Variants in MASP2 observed in about 807,000 individuals in gnomAD.
The protein encoded by MASP2 is mannan-binding lectin serine protease 2.
MASP2 carries 49 observed loss-of-function variants against 57.1 expected under a neutral mutation model. The observed-to-expected ratio is 0.86, with a 90% CI of 0.68 to 1.09. The LOEUF is 1.09. Ranked by LOEUF, MASP2 falls within the 50% of genes least tolerant of loss-of-function variation. MASP2 has a pLI of 0.00. For synonymous variants in MASP2, 379 were observed against 340.8 expected (o/e 1.11, Z -1.24); for missense variants, 900 against 874.8 (o/e 1.03, Z -0.36).
rs750678506 is a variant in MASP2 at position 11,030,846 on chromosome 1, C to T, written c.1124G>A (p.Gly375Asp). 9.3e-6 allele frequency: 15 copies of T among 1,613,702 alleles called. No individual in the cohort carries two copies. The highest frequency in any genetic ancestry group is 3.3e-5 in the Admixed American group (2 of 59,930). ...DCGPPDDLPS[G>D]RVEYITGPGV... is the part of the protein sequence containing the mutation. ...AGGACCTGTGATGTACTCCACTCGG[C>T]CACTGGGTAGATCATCAGGAGGGCC... Residue 375 changes from glycine to aspartate, a missense_variant, in exon 9 of 11, where the codon GGC becomes GAC. Coordinates refer to ENST00000400897, the MANE Select transcript of MASP2 (RefSeq NM_006610.4).
chr1:11,027,570 T>C lies in MASP2; in HGVS notation c.1376A>G (p.Gln459Arg). The change falls in exon 11 of 11, where the codon CAA (glutamine) becomes CGA (arginine). Residue 459 changes from glutamine (Q) to arginine (R), a missense_variant. By Grantham distance (43) the Gln-to-Arg change is conservative. Transcript: ENST00000400897. Reference protein sequence around the residue: ...QKAKPGDFPWQVLILGGTTAA... With the variant: ...QKAKPGDFPWRVLILGGTTAA... Reference sequence around the variant, plus strand: ...TGTGGTTCCACCTAATATCAGGACTTGCCAAGGAAAATCACCAGGTTTTGC... The same window carrying C: ...TGTGGTTCCACCTAATATCAGGACTCGCCAAGGAAAATCACCAGGTTTTGC... 6.2e-7 allele frequency: 1 copy of C among 1,614,206 alleles called. No homozygotes were observed. The highest frequency in any genetic ancestry group is 2.2e-5 in the East Asian group (1 of 44,884).
chr1:11,044,657 G>T, intron 4 of MASP2: 2 of 772,382 alleles, frequency 2.6e-6, no homozygotes, highest in Non-Finnish European at 4.0e-6. Flanking sequence ...TTCAAAACGG[G>T]GGGTGAGGCC....
chr1:11,032,904 G>A (rs1399757936), intron 8 of MASP2, among the ~76,000 whole-genome samples: 4 of 151,872 alleles, frequency 2.6e-5, no homozygotes, highest in African/African-American at 7.3e-5. Context: ...ACAAGACTCC[G>A]TCTCAAAAAA....
At chr1:11,036,737 A>G (rs1638251978) in intron 7 of MASP2, among the ~76,000 whole-genome samples, 1 of 151,402 alleles carries the variant, frequency 6.6e-6, no homozygotes, top group Non-Finnish European at 1.5e-5. Flanking sequence ...AATTTTGAAG[A>G]ACATAAAGAG....
rs1557663745 is a variant in MASP2, at chr1:11,026,895, C to T, written c.2051G>A (p.Ser684Asn). The T allele has an allele frequency of 6.8e-7, 1 of 1,479,712 alleles. No individual in the cohort carries two copies. Among genetic ancestry groups the T allele is most frequent in the Admixed American group, 2.6e-5 (1 of 38,502 alleles). The allele number at this position is 1,479,712 out of a possible 1,614,324, so 91.7% of individuals were successfully genotyped here. A position where few individuals can be genotyped will look rare whatever the true frequency, so the allele number is the denominator to read the frequency against. The change falls in exon 11 of 11, where the codon AGT (serine) becomes AAT (asparagine). Residue 684 changes from serine (S) to asparagine (N), a missense_variant. By Grantham distance (46) the Ser-to-Asn change is conservative (BLOSUM62 1). Coordinates refer to ENST00000400897, the MANE Select transcript of MASP2 (RefSeq NM_006610.4). ...CTGCAGACACGCAAGTTAAAAATCA[C>T]TAATTATGTTCTCGATCCAGGGAAT... Reference protein sequence around the residue: ...NYIPWIENIISDF With the variant: ...NYIPWIENIINDF
chr1:11,031,571 A>G (rs1303847123), intron 8 of MASP2, among the ~76,000 whole-genome samples: 1 of 150,508 alleles, frequency 6.6e-6, no homozygotes, highest in African/African-American at 2.5e-5. Context: ...AGCACATGAC[A>G]TGGCACAGGT....
intron 4 of MASP2, among the ~76,000 whole-genome samples, chr1:11,043,738 G>A (rs1638537470): frequency 6.6e-6 from 1 of 152,104 alleles, no homozygotes; most frequent in Non-Finnish European, 1.5e-5. Context: ...ATGGCTGAGG[G>A]GCCGCTTAGA....
intron 8 of MASP2, among the ~76,000 whole-genome samples, chr1:11,032,481 G>A (rs1412774132): frequency 1.3e-5 from 2 of 151,842 alleles, no homozygotes; most frequent in East Asian, 3.9e-4. Context: ...TGTGGTGGCG[G>A]GCGCCTGTAA....
chr1:11,032,324 C>A (rs543778428), intron 8 of MASP2, among the ~76,000 whole-genome samples: 2 of 152,026 alleles, frequency 1.3e-5, no homozygotes, highest in African/African-American at 4.8e-5. Context: ...AAAACGGTAA[C>A]GATTAGGCCG....
intron 7 of MASP2, among the ~76,000 whole-genome samples, chr1:11,037,380 C>T (rs139740423): frequency 6.6e-6 from 1 of 152,112 alleles, no homozygotes; most frequent in Non-Finnish European, 1.5e-5. Context: ...TGAGCCACCG[C>T]GCCTGGCCAA....
In MASP2 at chr1:11,026,603, G is replaced by T. The variant is rs375230404; in HGVS notation, c.*282C>A. The stretch of plus-strand genomic sequence containing the variant: ...CAACAGCCAGTATGAAAAGAGACTG[G>T]CTTTTTAAGGTAATGAAATGTAATT... On this transcript the variant is annotated 3_prime_UTR_variant, in exon 11 of 11. Transcript: ENST00000400897. 4 of 265,512 alleles carry T rather than the reference G, an allele frequency of 1.5e-5. No individual in the cohort carries two copies. Among genetic ancestry groups the T allele is most frequent in the African/African-American group, 6.6e-5 (3 of 45,418 alleles). The allele number at this position is 265,512 out of a possible 1,614,324, so 16.4% of individuals were successfully genotyped here. A position where few individuals can be genotyped will look rare whatever the true frequency, so the allele number is the denominator to read the frequency against.
chr1:11,031,134 G>A (rs1451532839), intron 8 of MASP2, among the ~76,000 whole-genome samples: 1 of 152,016 alleles, frequency 6.6e-6, no homozygotes, highest in African/African-American at 2.4e-5. Context: ...GAACTGAGGG[G>A]GAGTCGTCCA....
rs563609618 is a variant in MASP2 at position 11,035,326 on chromosome 1, C to A, written c.1009-420G>T. ...ATCACTTGAGGTGAGGAGTTCAAGA[C>A]CAGCCTGGCCAGCATGGTGAAACCC... is the stretch of plus-strand genomic sequence containing the variant. On this transcript the variant is annotated intron_variant, in intron 7 of 10. Transcript: ENST00000400897. Among the ~76,000 whole-genome samples the A allele has an allele frequency of 2.0e-5, 3 of 152,192 alleles. No homozygotes were observed. The South Asian group carries it at 6.2e-4, about 32-fold the overall frequency.
In MASP2 at chr1:11,045,465, A is replaced by G; in HGVS notation, c.487T>C (p.Phe163Leu). The G allele has an allele frequency of 6.2e-7, 1 of 1,613,060 alleles. No individual in the cohort carries two copies. Among genetic ancestry groups the G allele is most frequent in the Non-Finnish European group, 8.5e-7 (1 of 1,179,942 alleles). ...DHHCHNHLGG[F>L]YCSCRAGYVL... ...TAGCCTGCGCGGCAGGAGCAGTAGA[A>G]ACCGCCCAGGTGGTTGTGGCAGTGG... Residue 163 changes from phenylalanine to leucine, a missense_variant, in exon 4 of 11, where the codon TTC becomes CTC. By Grantham distance (22) the Phe-to-Leu change is conservative (BLOSUM62 0). Coordinates refer to ENST00000400897, the MANE Select transcript of MASP2 (RefSeq NM_006610.4).
At chr1:11,043,839 T>C (rs1387795218) in intron 4 of MASP2, among the ~76,000 whole-genome samples, 1 of 150,222 alleles carries the variant, frequency 6.7e-6, no homozygotes, top group East Asian at 2.0e-4. Flanking sequence ...CCAGGGAGCG[T>C]GGTGGTGTCC....
rs2100876300 is a variant in MASP2 at position 11,030,857 on chromosome 1, A to G, written c.1113T>C (p.Asp371=). ...CSIVDCGPPD[D]LPSGRVEYIT... ...TGTACTCCACTCGGCCACTGGGTAG[A>G]TCATCAGGAGGGCCACAGTCAACAA... Residue 371 remains aspartate (D), a synonymous_variant, in exon 9 of 11, where the codon GAT becomes GAC. Transcript: ENST00000400897. The G allele has an allele frequency of 2.5e-6, 4 of 1,613,798 alleles. No individual in the cohort carries two copies. In the East Asian group the frequency reaches 8.9e-5, roughly 36 times the overall value.
At chr1:11,027,894 GTTATT>G (rs1373825992) in intron 10 of MASP2, among the ~76,000 whole-genome samples, 2 of 152,170 alleles carry the variant, frequency 1.3e-5, no homozygotes, top group Non-Finnish European at 2.9e-5. Flanking sequence ...ACTTTTAGAA[GTTATT>G]TTGTTTTGCT....
chr1:11,033,817 T>C (rs1643869620), intron 8 of MASP2, among the ~76,000 whole-genome samples: 1 of 146,432 alleles, frequency 6.8e-6, no homozygotes, highest in African/African-American at 2.5e-5. Context: ...CCTGTAATCC[T>C]AGCTACTCAG....
rs1320920537 is a variant in MASP2 at position 11,027,408 on chromosome 1, C to G, written c.1538G>C (p.Trp513Ser). Residue 513 changes from tryptophan to serine, a missense_variant, in exon 11 of 11, where the codon TGG becomes TCG. Transcript: ENST00000400897. ...KRLSPHYTQA[W>S]SEAVFIHEGY... ...TTCATGTATAAAAACAGCTTCAGAC[C>G]AGGCTTGTGTATAATGAGGTGATAG... The G allele has an allele frequency of 3.7e-6, 6 of 1,614,054 alleles. No individual in the cohort carries two copies. The Admixed American group carries it at 8.3e-5, about 22-fold the overall frequency.
Sources: allele counts gnomAD v4.1 joint callset (sites outside exome capture counted in the v4.1 genomes callset), GRCh38; gene constraint gnomAD v4.1.1; transcripts MANE v1.5; gene names NCBI Gene and HGNC (gene_info 2026-07-23, HGNC 2026-07-21).